PTCRA: variants seen among roughly 807,000 people sequenced by gnomAD.
The protein encoded by PTCRA is pre T-cell antigen receptor alpha.
A neutral mutation model predicts 13.4 loss-of-function variants in PTCRA; 9 were observed. The observed-to-expected ratio is 0.67, with a 90% confidence interval of 0.41 to 1.18. The LOEUF (loss-of-function observed/expected upper bound fraction) is 1.18. PTCRA is among the 50% of genes most tolerant of loss of function. The pLI is 0.01. For missense variants in PTCRA, 353 were observed against 359.8 expected, an observed-to-expected ratio of 0.98 and a Z score of 0.15; for synonymous variants, 153 against 161.9, an observed-to-expected ratio of 0.94 and a Z score of 0.42.
At chr6:42,921,127 A>G (rs894501795) in intron 1 of PTCRA, among the ~76,000 whole-genome samples, 2 of 143,702 alleles carry the variant, frequency 1.4e-5, no homozygotes, top group Non-Finnish European at 3.0e-5. Flanking sequence ...TTTGAGACAG[A>G]ATCTTGTGCT....
In PTCRA at chr6:42,925,296, C is replaced by G. The variant is rs780737707; in HGVS notation, c.460C>G (p.Arg154Gly). The G allele has an allele frequency of 1.3e-6, 2 of 1,588,604 alleles. No homozygotes were observed. Among genetic ancestry groups the G allele is most frequent in the Non-Finnish European group, 1.7e-6 (2 of 1,174,624 alleles). The change falls in exon 4 of 4, where the codon CGG (arginine) becomes GGG (glycine). Residue 154 changes from arginine to glycine, a missense_variant. By Grantham distance (125) the Arg-to-Gly change is moderately radical (BLOSUM62 -2). Transcript: ENST00000304672. This position sits in a 1 kb window ranked among gnomAD's most constrained non-coding sequence, Gnocchi z 4.4. ...PGGALWLGVLRLLLFKLLLFD... is the reference protein window; with the variant it reads ...PGGALWLGVLGLLLFKLLLFD... Reference sequence around the variant, plus strand: ...TGGGGCGCTGTGGCTGGGGGTCCTGCGGCTGCTGCTCTTCAAGCTGCTGCT... The same window carrying G: ...TGGGGCGCTGTGGCTGGGGGTCCTGGGGCTGCTGCTCTTCAAGCTGCTGCT...
At position 42,923,149 on chromosome 6, in the gene PTCRA, A is replaced by T. The variant is rs757857439; in HGVS notation, c.181A>T (p.Ile61Phe). The change falls in exon 2 of 4, where the codon ATC becomes TTC. Residue 61 changes from isoleucine to phenylalanine, a missense_variant. Transcript: ENST00000304672. ...TGCACCCCCTGGCCTTGACAGCCCC[A>T]TCTGGTTCTCAGCCGGCAATGGCAG... ...DVAPPGLDSP[I>F]WFSAGNGSAL... is the part of the protein sequence containing the mutation. 11 of 1,614,176 alleles carry T rather than the reference A, an allele frequency of 6.8e-6. No homozygotes were observed. Among genetic ancestry groups the T allele is most frequent in the Non-Finnish European group, 9.3e-6 (11 of 1,180,022 alleles).
At chr6:42,916,604 A>G (rs1429793491) in intron 1 of PTCRA, among the ~76,000 whole-genome samples, 1 of 152,138 alleles carries the variant, frequency 6.6e-6, no homozygotes, top group Non-Finnish European at 1.5e-5. Context: ...AAGTTCACTC[A>G]CAGCTCACGC....
chr6:42,924,312 G>T, intron 3 of PTCRA, 39 bp downstream of exon 3: 1 of 1,597,800 alleles, frequency 6.3e-7, no homozygotes, highest in Non-Finnish European at 8.6e-7. Context: ...TAAGAGGCTG[G>T]GACCAGGACC....
intron 1 of PTCRA, among the ~76,000 whole-genome samples, chr6:42,921,395 C>T (rs894444796): frequency 6.7e-6 from 1 of 149,604 alleles, no homozygotes. Context: ...AGCCACCGCA[C>T]CCAGCCAACA....
At chr6:42,916,212 T>C (rs1766870489) in intron 1 of PTCRA, 85 bp downstream of exon 1, 3 of 1,325,158 alleles carry the variant, frequency 2.3e-6, no homozygotes, top group Admixed American at 3.5e-5. Context: ...TGGGTACTGA[T>C]GGGCTGCAGG....
intron 1 of PTCRA, among the ~76,000 whole-genome samples, chr6:42,917,146 A>G (rs1766906911): frequency 6.6e-6 from 1 of 150,796 alleles, no homozygotes. Context: ...TATGGCCTTT[A>G]CTCTTCACAA....
At chr6:42,918,413 G>A (rs893460766) in intron 1 of PTCRA, among the ~76,000 whole-genome samples, 1 of 151,250 alleles carries the variant, frequency 6.6e-6, no homozygotes, top group African/African-American at 2.4e-5. Flanking sequence ...AATTAGCCAC[G>A]CGTGGTGGTA....
At chr6:42,921,420 T>C (rs1333174397) in intron 1 of PTCRA, among the ~76,000 whole-genome samples, 7 of 141,282 alleles carry the variant, frequency 5.0e-5, no homozygotes, top group Non-Finnish European at 7.7e-5. Context: ...TTCTTTTTTT[T>C]TTTTTTTTTT....
intron 2 of PTCRA, 110 bp from the exon 3 acceptor site, chr6:42,924,119 C>G (rs993716931): frequency 1.1e-6 from 1 of 934,798 alleles, no homozygotes; most frequent in Non-Finnish European, 1.6e-6. Context: ...CCATTTACCC[C>G]AAATGCCTCG....
intron 1 of PTCRA, among the ~76,000 whole-genome samples, chr6:42,920,819 T>A (rs1767118732): frequency 6.7e-6 from 1 of 148,384 alleles, no homozygotes; most frequent in Non-Finnish European, 1.5e-5. Flanking sequence ...AGCTTTTTTT[T>A]TTTTTTTTCA....
In PTCRA at chr6:42,925,827, TG is replaced by T; in HGVS notation, c.*146del. On this transcript the variant is annotated 3_prime_UTR_variant, in exon 4 of 4. Coordinates refer to ENST00000304672, the MANE Select transcript of PTCRA (RefSeq NM_138296.3). The surrounding 1 kb of genome is among the most constrained non-coding windows in gnomAD (Gnocchi z 4.4). The stretch of plus-strand genomic sequence containing the variant: ...TGAGAACATTAAAAAAGAACTTAAA[TG>T]ACACAGCAAATGAAAAATATTTGAA... The T allele has an allele frequency of 4.1e-6, 2 of 493,702 alleles. No homozygotes were observed. Among genetic ancestry groups the T allele is most frequent in the Non-Finnish European group, 7.0e-6 (2 of 284,500 alleles). 30.6% of individuals were successfully genotyped at this position (493,702 alleles called of 1,614,324 possible). A position where few individuals can be genotyped will look rare whatever the true frequency, so the allele number is the denominator to read the frequency against.
intron 1 of PTCRA, chr6:42,922,221 C>T (rs1380103089): frequency 1.4e-6 from 1 of 702,722 alleles, no homozygotes; most frequent in Non-Finnish European, 2.6e-6. Context: ...ATTCCAGGTC[C>T]TGTTTCCTTC....
chr6:42,925,510 C>T lies in PTCRA; in HGVS notation c.674C>T (p.Pro225Leu), dbSNP rs373020262. The T allele has an allele frequency of 1.1e-4, 167 of 1,571,818 alleles. No individual in the cohort carries two copies. Among genetic ancestry groups the T allele is most frequent in the South Asian group, 3.6e-4 (31 of 85,970 alleles). The change falls in exon 4 of 4, where the codon CCG becomes CTG. Residue 225 changes from proline (P) to leucine (L), a missense_variant. Pro to Leu is a moderately conservative substitution (Grantham distance 98, BLOSUM62 -3). Coordinates refer to ENST00000304672, the MANE Select transcript of PTCRA (RefSeq NM_138296.3). This position sits in a 1 kb window ranked among gnomAD's most constrained non-coding sequence, Gnocchi z 4.4. ...PRDRRWGDTPPGRKPGSPVWG... is the reference protein window; with the variant it reads ...PRDRRWGDTPLGRKPGSPVWG... Reference sequence around the variant, plus strand: ...GACCGCCGCTGGGGTGACACCCCTCCGGGTCGGAAGCCCGGGAGCCCAGTA... The same window carrying T: ...GACCGCCGCTGGGGTGACACCCCTCTGGGTCGGAAGCCCGGGAGCCCAGTA...
Position 42,925,725 on chromosome 6 carries a change from T to G in PTCRA, c.*43T>G. ...CCCTGCGTCACACTGTGTGAGGCTG[T>G]GTCTCTGCCATCCAAAAGGGGGCCC... On this transcript the variant is annotated 3_prime_UTR_variant, in exon 4 of 4. Coordinates refer to ENST00000304672, the MANE Select transcript of PTCRA (RefSeq NM_138296.3). The surrounding 1 kb of genome is among the most constrained non-coding windows in gnomAD (Gnocchi z 4.4). The G allele has an allele frequency of 1.5e-6, 2 of 1,353,032 alleles. No homozygotes were observed. The highest frequency in any genetic ancestry group is 2.0e-6 in the Non-Finnish European group (2 of 1,005,828). 83.8% of individuals were successfully genotyped at this position (1,353,032 alleles called of 1,614,324 possible).
At chr6:42,916,192 T>C in intron 1 of PTCRA, 65 bp downstream of exon 1, 1 of 1,449,518 alleles carries the variant, frequency 6.9e-7, no homozygotes, top group Non-Finnish European at 9.7e-7. Context: ...CCCCTCACTC[T>C]GGACCTCCCT....
intron 1 of PTCRA, among the ~76,000 whole-genome samples, chr6:42,921,729 T>TC (rs937852050): frequency 2.3e-5 from 3 of 129,224 alleles, no homozygotes; most frequent in African/African-American, 9.8e-5. Context: ...AAAGCTTTTT[T>TC]TTTCAAAAAA....
chr6:42,921,486 A>C (rs962889819), intron 1 of PTCRA, among the ~76,000 whole-genome samples: 13 of 128,818 alleles, frequency 1.0e-4, no homozygotes, highest in Non-Finnish European at 4.7e-5. Flanking sequence ...GGCGTGATCT[A>C]GGCTCACTGC....
At chr6:42,922,936 GAC>G in intron 1 of PTCRA, 89 bp from the exon 2 acceptor site, 1 of 1,213,760 alleles carries the variant, frequency 8.2e-7, no homozygotes, top group South Asian at 1.3e-5. Context: ...TGGATGGAAA[GAC>G]AGAAATGTAG....
Sources: allele counts gnomAD v4.1 joint callset (sites outside exome capture counted in the v4.1 genomes callset), GRCh38; gene constraint gnomAD v4.1.1; non-coding constraint Gnocchi (gnomAD v3.1); transcripts MANE v1.5; gene names NCBI Gene and HGNC (gene_info 2026-07-23, HGNC 2026-07-21).